The following ARB2A variants were observed in gnomAD, a reference collection of about 807,000 sequenced individuals.
The protein encoded by ARB2A is ARB2 cotranscriptional regulator A.
chr5:93,790,770 G>T, the ARB2A span, among the ~76,000 whole-genome samples: 1 of 152,048 alleles, frequency 6.6e-6, no homozygotes, highest in Non-Finnish European at 1.5e-5. Context: ...TAAAAAAAAA[G>T]ATAATCACAG....
chr5:93,621,319 G>T, the ARB2A span, among the ~76,000 whole-genome samples: 1 of 151,326 alleles, frequency 6.6e-6, no homozygotes, highest in Admixed American at 6.6e-5. Flanking sequence ...TCGCGGGCGC[G>T]GGCCAGCCGA....
At chr5:94,020,624 G>A in the ARB2A span, among the ~76,000 whole-genome samples, 1 of 152,140 alleles carries the variant, frequency 6.6e-6, no homozygotes, top group African/African-American at 2.4e-5. Flanking sequence ...CACTTGGTTG[G>A]ATGGTTGTGA....
At chr5:93,777,688 C>T in the ARB2A span, among the ~76,000 whole-genome samples, 1 of 152,216 alleles carries the variant, frequency 6.6e-6, no homozygotes, top group East Asian at 1.9e-4. Context: ...TGCTTGCTTC[C>T]CTGGTTGTGC....
the ARB2A span, among the ~76,000 whole-genome samples, chr5:93,851,654 C>T: frequency 1.3e-5 from 2 of 152,104 alleles, no homozygotes; most frequent in African/African-American, 2.4e-5. Flanking sequence ...CTTCCTGTGT[C>T]CATGTGTTCT....
the ARB2A span, among the ~76,000 whole-genome samples, chr5:94,035,427 T>A: frequency 6.6e-6 from 1 of 152,142 alleles, no homozygotes; most frequent in Non-Finnish European, 1.5e-5. Context: ...AAATCTTGAT[T>A]CATAATTACA....
the ARB2A span, among the ~76,000 whole-genome samples, chr5:94,022,524 T>C: frequency 6.6e-6 from 1 of 152,154 alleles, no homozygotes; most frequent in African/African-American, 2.4e-5. Flanking sequence ...GGAAAAGACA[T>C]TTACTCTGGA....
the ARB2A span, among the ~76,000 whole-genome samples, chr5:93,910,542 C>T: frequency 3.2e-4 from 49 of 151,068 alleles, no homozygotes; most frequent in African/African-American, 1.1e-3. Context: ...AAGAAACATG[C>T]CATAAATATT....
the ARB2A span, among the ~76,000 whole-genome samples, chr5:93,796,526 A>G: frequency 1.3e-5 from 2 of 152,332 alleles, no homozygotes; most frequent in South Asian, 2.1e-4. Context: ...TGACATCATT[A>G]TAATAAGTAT....
At chr5:94,078,078 G>A in the ARB2A span, among the ~76,000 whole-genome samples, 1 of 152,156 alleles carries the variant, frequency 6.6e-6, no homozygotes, top group Admixed American at 6.6e-5. Flanking sequence ...TGTACAGAAA[G>A]ATACACAAAA....
chr5:94,078,084 C>T, the ARB2A span, among the ~76,000 whole-genome samples: 4 of 152,140 alleles, frequency 2.6e-5, no homozygotes, highest in African/African-American at 9.7e-5. Flanking sequence ...GAAAGATACA[C>T]AAAAGCCTTA....
the ARB2A span, among the ~76,000 whole-genome samples, chr5:93,962,861 T>C: frequency 6.6e-6 from 1 of 152,124 alleles, no homozygotes; most frequent in Non-Finnish European, 1.5e-5. Context: ...ATTCCAAATT[T>C]AAAATCAAAG....
chr5:93,713,979 C>A, the ARB2A span, among the ~76,000 whole-genome samples: 3 of 152,166 alleles, frequency 2.0e-5, no homozygotes, highest in Non-Finnish European at 4.4e-5. Flanking sequence ...GCCAATAGGA[C>A]TAGGGGCAGC....
At chr5:93,896,802 T>G in the ARB2A span, among the ~76,000 whole-genome samples, 2 of 152,100 alleles carry the variant, frequency 1.3e-5, no homozygotes, top group African/African-American at 2.4e-5. Flanking sequence ...GGGTTAATAC[T>G]GTTTGCAAGT....
the ARB2A span, among the ~76,000 whole-genome samples, chr5:93,907,897 T>C: frequency 3.3e-5 from 5 of 151,344 alleles, no homozygotes; most frequent in Admixed American, 6.6e-5. Flanking sequence ...AAAATTTCTT[T>C]AGTAGGATAA....
chr5:93,629,749 G>A, the ARB2A span, among the ~76,000 whole-genome samples: 1 of 152,064 alleles, frequency 6.6e-6, no homozygotes, highest in Non-Finnish European at 1.5e-5. Context: ...GATAAAGGAG[G>A]CAGGAAACTA....
At chr5:93,968,839 A>T in the ARB2A span, among the ~76,000 whole-genome samples, 1 of 152,066 alleles carries the variant, frequency 6.6e-6, no homozygotes, top group Non-Finnish European at 1.5e-5. Flanking sequence ...AGGAACAAGG[A>T]TGAGAATTAC....
At chr5:93,649,177 T>C in the ARB2A span, among the ~76,000 whole-genome samples, 1 of 152,328 alleles carries the variant, frequency 6.6e-6, no homozygotes, top group African/African-American at 2.4e-5. Flanking sequence ...ATTTTATTAA[T>C]GGAAAAGCTA....
chr5:93,712,312 C>A, the ARB2A span, among the ~76,000 whole-genome samples: 2 of 152,076 alleles, frequency 1.3e-5, no homozygotes, highest in Non-Finnish European at 2.9e-5. Flanking sequence ...GGGGAGTCTG[C>A]AGATTAAGTC....
At chr5:93,715,644 T>C in the ARB2A span, among the ~76,000 whole-genome samples, 2 of 138,328 alleles carry the variant, frequency 1.4e-5, no homozygotes, top group Non-Finnish European at 3.2e-5. Context: ...TTCCCCCGCC[T>C]TTTTTTTTTT....
Sources: gnomAD v4.1 joint callset for allele counts (sites outside exome capture counted in the v4.1 genomes callset) on GRCh38, gnomAD v4.1.1 for gene constraint, MANE v1.5 for transcripts, NCBI Gene and HGNC (gene_info 2026-07-23, HGNC 2026-07-21) for gene names.